Variants in CCDC117 observed in about 807,000 individuals in gnomAD.
The protein encoded by CCDC117 is coiled-coil domain containing 117, also known as coiled-coil domain-containing protein 117.
In CCDC117, 1 loss-of-function variant was observed where a neutral mutation model predicts 23.5. The ratio of observed to expected loss-of-function variants is 0.04; its 90% CI spans 0.02 to 0.20. The LOEUF (loss-of-function observed/expected upper bound fraction) is 0.20, where lower values mean the gene tolerates loss of function less well. Ranked by LOEUF, CCDC117 falls within the 10% of genes least tolerant of loss-of-function variation. The pLI, the probability that CCDC117 is intolerant of heterozygous loss-of-function variation, is 1.00. For synonymous variants in CCDC117, 132 were observed against 124.8 expected (o/e 1.06, Z -0.39); for missense variants, 383 against 348.2 (o/e 1.10, Z -0.80).
At chr22:28,783,173 C>T (rs902557513) in intron 3 of CCDC117, among the ~76,000 whole-genome samples, 1 of 151,958 alleles carries the variant, frequency 6.6e-6, no homozygotes, top group Non-Finnish European at 1.5e-5. Flanking sequence ...TCCTGAGTAG[C>T]CGGATTACAG....
At chr22:28,784,238 CAG>C (rs1555946666) in intron 4 of CCDC117, among the ~76,000 whole-genome samples, 165 of 152,318 alleles carry the variant, frequency 1.1e-3, no homozygotes, top group African/African-American at 3.8e-3. Flanking sequence ...AAACTCCTAA[CAG>C]GGAGCTGTGA....
rs1027030278 is a variant in CCDC117, at chr22:28,786,638, TAA to T, written c.*314_*315del. 3.9e-6 allele frequency: 1 copy of T among 255,158 alleles called. No individual in the cohort carries two copies. The highest frequency in any genetic ancestry group is 2.2e-5 in the African/African-American group (1 of 44,594). The allele number at this position is 255,158 out of a possible 1,614,324, so 15.8% of individuals were successfully genotyped here. On this transcript the variant is annotated 3_prime_UTR_variant, in exon 5 of 5. Transcript: ENST00000249064. ...GACTTAAATCATATGTCACATTGTC[TAA>T]ACTATTCAGACACTTGGAGAATATT...
In CCDC117 at chr22:28,786,409, T is replaced by G; in HGVS notation, c.*83T>G. The stretch of plus-strand genomic sequence containing the variant: ...AGACTCTTTGCATAGTATAGGGACT[T>G]GAAAGTTTTATGAGACGGGTGTAAT... On this transcript the variant is annotated 3_prime_UTR_variant, in exon 5 of 5. Coordinates refer to ENST00000249064, the MANE Select transcript of CCDC117 (RefSeq NM_173510.4). 1 of 952,950 alleles carries G rather than the reference T, an allele frequency of 1.0e-6. No homozygotes were observed. The highest frequency in any genetic ancestry group is 1.7e-5 in the South Asian group (1 of 59,570). The allele number at this position is 952,950 out of a possible 1,614,324, so 59.0% of individuals were successfully genotyped here. A position where few individuals can be genotyped will look rare whatever the true frequency, so the allele number is the denominator to read the frequency against.
chr22:28,773,693 C>T (rs148640673), intron 1 of CCDC117, 32 bp from the exon 2 acceptor site: 5 of 1,584,356 alleles, frequency 3.2e-6, no homozygotes, highest in South Asian at 1.1e-5. Flanking sequence ...GAGTACATTT[C>T]TTAATTGACT....
chr22:28,782,214 A>T (rs894930318), intron 3 of CCDC117, among the ~76,000 whole-genome samples: 1 of 146,190 alleles, frequency 6.8e-6, no homozygotes, highest in African/African-American at 2.6e-5. Context: ...CTGGGATTAC[A>T]GGCATGAGCT....
At chr22:28,779,733 T>C (rs1372917570) in intron 2 of CCDC117, among the ~76,000 whole-genome samples, 8 of 152,234 alleles carry the variant, frequency 5.3e-5, no homozygotes, top group Non-Finnish European at 1.2e-4. Context: ...GAATAGAAAT[T>C]TCTTTTTGTA....
intron 2 of CCDC117, among the ~76,000 whole-genome samples, chr22:28,774,878 C>T (rs928915197): frequency 2.0e-5 from 3 of 152,118 alleles, no homozygotes; most frequent in African/African-American, 7.2e-5. Flanking sequence ...ATATGGTTCA[C>T]ACTGTGCAAC....
intron 4 of CCDC117, 75 bp downstream of exon 4, chr22:28,783,720 T>G: frequency 7.3e-7 from 1 of 1,378,762 alleles, no homozygotes; most frequent in East Asian, 2.3e-5. Flanking sequence ...CTGCCCACCC[T>G]GTCCTCATTA....
At chr22:28,785,858 G>C (rs1417081518) in intron 4 of CCDC117, among the ~76,000 whole-genome samples, 3 of 151,162 alleles carry the variant, frequency 2.0e-5, no homozygotes, top group Admixed American at 6.6e-5. Flanking sequence ...AGGAGTTAAA[G>C]GCTGCGGTGA....
chr22:28,772,875 GC>G lies in CCDC117; in HGVS notation c.27del (p.Ser9ArgfsTer5). The G allele has an allele frequency of 8.1e-7, 1 of 1,237,416 alleles. No homozygotes were observed. Among genetic ancestry groups the G allele is most frequent in the Non-Finnish European group, 1.0e-6 (1 of 989,878 alleles). The allele number at this position is 1,237,416 out of a possible 1,614,324, so 76.7% of individuals were successfully genotyped here. A position where few individuals can be genotyped will look rare whatever the true frequency, so the allele number is the denominator to read the frequency against. MAALGRPF[S>X]GLPLSGGSDF... ...ATGGCTGCGCTCGGCCGGCCCTTCA[GC>G]GGCCTCCCTCTGAGCGGCGGCTCGG... is the stretch of plus-strand genomic sequence containing the variant. On this transcript the variant is annotated frameshift_variant, in exon 1 of 5. Coordinates refer to ENST00000249064, the MANE Select transcript of CCDC117 (RefSeq NM_173510.4). LOFTEE classifies it high-confidence loss of function.
intron 2 of CCDC117, among the ~76,000 whole-genome samples, chr22:28,777,244 CTCAA>C (rs1245229981): frequency 6.6e-6 from 1 of 151,342 alleles, no homozygotes; most frequent in Non-Finnish European, 1.5e-5. Context: ...CCAGGATGGT[CTCAA>C]TCTCCTGACC....
chr22:28,783,780 A>G (rs2031429669), intron 4 of CCDC117, 135 bp downstream of exon 4: 2 of 816,280 alleles, frequency 2.5e-6, no homozygotes, highest in African/African-American at 1.7e-5. Flanking sequence ...GCTTTTTCCT[A>G]GTTCATTAGG....
chr22:28,774,003 G>T (rs190130877), intron 2 of CCDC117, among the ~76,000 whole-genome samples: 1 of 152,142 alleles, frequency 6.6e-6, no homozygotes, highest in East Asian at 1.9e-4. Flanking sequence ...TGGATTTTGA[G>T]CCATGTTAAT....
intron 2 of CCDC117, among the ~76,000 whole-genome samples, chr22:28,774,125 T>C (rs2031088964): frequency 6.6e-6 from 1 of 150,500 alleles, no homozygotes; most frequent in African/African-American, 2.4e-5. Flanking sequence ...TGGAGTGCAG[T>C]GGCGCTATGT....
At chr22:28,773,088 G>A in intron 1 of CCDC117, 54 bp downstream of exon 1, 1 of 937,644 alleles carries the variant, frequency 1.1e-6, no homozygotes, top group Non-Finnish European at 1.3e-6. Flanking sequence ...CGGGCAGGCT[G>A]GGCGCCCCTC....
Position 28,774,719 on chromosome 22 carries a change from C to A in CCDC117, c.239+941C>A, listed in dbSNP as rs1341630592. The stretch of plus-strand genomic sequence containing the variant: ...TTCCCCACCAGAGACAACCCCCTTA[C>A]CTGTTTTCATTGTCTCCTTTAGAAG... On this transcript the variant is annotated intron_variant, in intron 2 of 4. Transcript: ENST00000249064. Among the ~76,000 whole-genome samples the A allele has an allele frequency of 4.7e-4, 72 of 152,076 alleles. 1 individual carries two copies. Among genetic ancestry groups the A allele is most frequent in the Non-Finnish European group, 1.5e-5 (1 of 68,022 alleles).
intron 2 of CCDC117, among the ~76,000 whole-genome samples, chr22:28,776,233 A>T (rs974941800): frequency 5.3e-5 from 8 of 151,938 alleles, no homozygotes; most frequent in African/African-American, 1.9e-4. Flanking sequence ...AAATGGTGAA[A>T]CCCTGTCTCT....
chr22:28,773,574 A>G, intron 1 of CCDC117, 151 bp from the exon 2 acceptor site: 1 of 657,806 alleles, frequency 1.5e-6, no homozygotes, highest in Non-Finnish European at 2.8e-6. Flanking sequence ...CCGTTACCCG[A>G]CTGACCTGTG....
chr22:28,784,823 T>C (rs2031460766), intron 4 of CCDC117, among the ~76,000 whole-genome samples: 1 of 152,154 alleles, frequency 6.6e-6, no homozygotes, highest in Non-Finnish European at 1.5e-5. Flanking sequence ...CAGGCTGGAG[T>C]GCAGTGGCCT....
Sources: allele counts gnomAD v4.1 joint callset (sites outside exome capture counted in the v4.1 genomes callset), GRCh38; gene constraint gnomAD v4.1.1; transcripts MANE v1.5; gene names NCBI Gene and HGNC (gene_info 2026-07-23, HGNC 2026-07-21).